The following CCDC12 variants were observed in gnomAD, a reference collection of about 807,000 sequenced individuals.
CCDC12 encodes the protein coiled-coil domain containing 12.
In CCDC12, 28 loss-of-function variants were observed where a neutral mutation model predicts 25.7. The ratio of observed to expected loss-of-function variants is 1.09; its 90% CI spans 0.81 to 1.50. The LOEUF (loss-of-function observed/expected upper bound fraction) is 1.50. Among genes scored for constraint, CCDC12 ranks in the 40% most tolerant of loss-of-function variants. The probability of loss-of-function intolerance (pLI) is 0.00; values close to 1 mark genes in which losing one functional copy is unlikely to be tolerated. For synonymous variants in CCDC12, 75 were observed against 87.7 expected (o/e 0.86, Z 0.81); for missense variants, 198 against 210.0 (o/e 0.94, Z 0.35).
upstream of CCDC12, among the ~76,000 whole-genome samples, chr3:46,977,521 C>T (rs935685473): frequency 2.4e-4 from 36 of 151,204 alleles, no homozygotes; most frequent in Admixed American, 4.0e-4. Context: ...CCACTTCGAT[C>T]CCACCCTAAT....
chr3:46,962,426 C>A (rs59295935), intron 1 of CCDC12, among the ~76,000 whole-genome samples: 9,452 of 70,574 alleles, frequency 0.13, 1,204 homozygotes, highest in African/African-American at 0.34. Context: ...AAGAGCAAAA[C>A]TCTATCTCAA....
At chr3:46,958,544 G>A (rs1171840721) in intron 1 of CCDC12, among the ~76,000 whole-genome samples, 1 of 152,080 alleles carries the variant, frequency 6.6e-6, no homozygotes, top group Non-Finnish European at 1.5e-5. Context: ...TCTCGTTATT[G>A]GGCCAAGGGA....
intron 3 of CCDC12, chr3:46,923,969 A>G (rs2032824645): frequency 3.2e-6 from 1 of 314,454 alleles, no homozygotes; most frequent in Non-Finnish European, 5.8e-6. Flanking sequence ...AGCTGCCTGG[A>G]TACATACAAA....
chr3:46,930,010 G>A (rs772231231), intron 2 of CCDC12, among the ~76,000 whole-genome samples: 24 of 114,184 alleles, frequency 2.1e-4, no homozygotes, highest in Non-Finnish European at 3.7e-4. Context: ...CAGCCTGGGC[G>A]AGAACAGCAA....
intron 1 of CCDC12, among the ~76,000 whole-genome samples, chr3:46,973,442 C>CT (rs1270082729): frequency 6.7e-6 from 1 of 148,704 alleles, no homozygotes; most frequent in Non-Finnish European, 1.5e-5. Context: ...CTGCAGTGAG[C>CT]TGAGATTGCA....
chr3:46,950,405 A>G (rs1169948705), intron 1 of CCDC12, among the ~76,000 whole-genome samples: 1 of 151,934 alleles, frequency 6.6e-6, no homozygotes, highest in Non-Finnish European at 1.5e-5. Context: ...TGAAATTCCT[A>G]GGCTCAAGTA....
chr3:46,942,645 C>T (rs911224674), intron 1 of CCDC12, among the ~76,000 whole-genome samples: 5 of 152,156 alleles, frequency 3.3e-5, no homozygotes, highest in East Asian at 1.9e-4. Context: ...AAAACCAGGT[C>T]GGAGGCCTGG....
At chr3:46,978,325 C>A (rs528211631), upstream of CCDC12, among the ~76,000 whole-genome samples, 1 of 152,292 alleles carries the variant, frequency 6.6e-6, no homozygotes, top group East Asian at 1.9e-4. Context: ...GGACAAAAGG[C>A]CAGAGGTGAA....
upstream of CCDC12, chr3:46,979,446 G>C (rs2035144927): frequency 6.4e-6 from 1 of 156,038 alleles, no homozygotes; most frequent in South Asian, 2.1e-4. Flanking sequence ...GGCGGATTCA[G>C]ACCCTGGGGA....
upstream of CCDC12, among the ~76,000 whole-genome samples, chr3:46,980,739 ATCAC>A (rs2035272464): frequency 6.6e-6 from 1 of 152,128 alleles, no homozygotes; most frequent in Non-Finnish European, 1.5e-5. Context: ...AGAACCTGGT[ATCAC>A]TCACACCGTC....
chr3:46,934,283 G>A (rs972814313), intron 2 of CCDC12, among the ~76,000 whole-genome samples: 1 of 152,242 alleles, frequency 6.6e-6, no homozygotes, highest in African/African-American at 2.4e-5. Context: ...ACCACTCTGG[G>A]AAAGTGGATG....
At position 46,922,325 on chromosome 3, in the gene CCDC12, G is replaced by A. The variant is rs768548626; in HGVS notation, c.342-13C>T. 1 of 1,614,124 alleles carries A rather than the reference G, an allele frequency of 6.2e-7. No homozygotes were observed. Among genetic ancestry groups the A allele is most frequent in the East Asian group, 2.2e-5 (1 of 44,884 alleles). On this transcript the variant is annotated splice_polypyrimidine_tract_variant and intron_variant, in intron 5 of 6. Coordinates refer to ENST00000683445, the MANE Select transcript of CCDC12 (RefSeq NM_001277074.2). ...TCTCTTGAGGTCCCTGGAGCAGGGA[G>A]GCAGGGAGAAGCAGGAAGGTGAAGG...
At chr3:46,945,075 C>A (rs544512807) in intron 1 of CCDC12, among the ~76,000 whole-genome samples, 1 of 152,360 alleles carries the variant, frequency 6.6e-6, no homozygotes, top group South Asian at 2.1e-4. Flanking sequence ...CTGGGCCTAC[C>A]CAGTGCATAT....
intron 1 of CCDC12, among the ~76,000 whole-genome samples, chr3:46,967,596 A>G (rs2107193623): frequency 6.6e-6 from 1 of 152,164 alleles, no homozygotes; most frequent in Admixed American, 6.5e-5. Context: ...CAACACACAC[A>G]CCACATTCCC....
At chr3:46,956,848 T>C (rs935400965) in intron 1 of CCDC12, among the ~76,000 whole-genome samples, 5 of 151,926 alleles carry the variant, frequency 3.3e-5, no homozygotes, top group Admixed American at 6.6e-5. Context: ...TAAAAATCAT[T>C]CATACAACGT....
intron 1 of CCDC12, among the ~76,000 whole-genome samples, chr3:46,953,234 A>G (rs562341318): frequency 1.1e-4 from 16 of 152,222 alleles, no homozygotes; most frequent in African/African-American, 3.4e-4. Context: ...TGAGCCCAAC[A>G]CCGTAGGGCA....
chr3:46,950,073 T>C (rs1426256527), intron 1 of CCDC12, among the ~76,000 whole-genome samples: 2 of 151,784 alleles, frequency 1.3e-5, no homozygotes, highest in Non-Finnish European at 2.9e-5. Flanking sequence ...GCTGACATCT[T>C]GCAGTGTCCC....
At chr3:46,951,825 T>TATATATATATATA (rs1559559184) in intron 1 of CCDC12, among the ~76,000 whole-genome samples, 43 of 30,006 alleles carry the variant, frequency 1.4e-3, no homozygotes, top group East Asian at 6.2e-3. Context: ...ATATATATAC[T>TATATATATATATA]TAATGAGGAT....
chr3:46,977,000 C>T, upstream of CCDC12: 1 of 545,310 alleles, frequency 1.8e-6, no homozygotes, highest in Non-Finnish European at 3.2e-6. Context: ...CTCGATTTAT[C>T]CAACGCTGAT....
Sources: allele counts gnomAD v4.1 joint callset (sites outside exome capture counted in the v4.1 genomes callset), GRCh38; gene constraint gnomAD v4.1.1; transcripts MANE v1.5; gene names NCBI Gene and HGNC (gene_info 2026-07-23, HGNC 2026-07-21).